The following EXOC6B variants were observed in gnomAD, a reference collection of about 807,000 sequenced individuals.
The protein encoded by EXOC6B is SEC15 homolog B.
A neutral mutation model predicts 113.5 loss-of-function variants in EXOC6B; 54 were observed. That is an observed-to-expected ratio of 0.48 (90% CI 0.38 to 0.60). EXOC6B has a LOEUF of 0.60. EXOC6B is among the 20% of genes least tolerant of loss of function. EXOC6B has a pLI of 0.00. For synonymous variants in EXOC6B, 357 were observed against 339.0 expected, an observed-to-expected ratio of 1.05 and a Z score of -0.58; for missense variants, 797 against 977.5, an observed-to-expected ratio of 0.82 and a Z score of 2.46.
chr2:72,464,980 C>A, intron 18 of EXOC6B, 180 bp downstream of exon 18: 1 of 595,734 alleles, frequency 1.7e-6, no homozygotes, highest in South Asian at 2.3e-5. Context: ...ATGCAAAGGT[C>A]AATGAAAAAA....
rs560948378 is a variant in EXOC6B at position 72,823,475 on chromosome 2, A to C, written c.113+2323T>G. 8.4e-4 allele frequency among the ~76,000 whole-genome samples: 95 copies of C among 112,472 alleles called. 5 individuals are homozygous for C. Among genetic ancestry groups the C allele is most frequent in the Admixed American group, 3.9e-3 (40 of 10,176 alleles). 73.8% of individuals were successfully genotyped at this position (112,472 alleles called of 152,430 possible). On this transcript the variant is annotated intron_variant, in intron 1 of 21. Transcript: ENST00000272427. ...AAGTTTTAAGAAAAAAAAAAAAAAA[A>C]AAACAAAAAACAAAAAAAAAGACAG... is the stretch of plus-strand genomic sequence containing the variant.
intron 20 of EXOC6B, among the ~76,000 whole-genome samples, chr2:72,229,865 G>C (rs1322292090): frequency 6.6e-6 from 1 of 152,108 alleles, no homozygotes; most frequent in African/African-American, 2.4e-5. Flanking sequence ...GGAAGCTTTG[G>C]CCATTTTTGT....
At chr2:72,396,748 C>T (rs1281491345) in intron 18 of EXOC6B, among the ~76,000 whole-genome samples, 2 of 151,966 alleles carry the variant, frequency 1.3e-5, no homozygotes, top group Admixed American at 6.6e-5. Context: ...TGCTACTCAG[C>T]CTCTTTCCTA....
At chr2:72,636,436 G>T (rs1463109334) in intron 6 of EXOC6B, among the ~76,000 whole-genome samples, 1 of 150,330 alleles carries the variant, frequency 6.7e-6, no homozygotes, top group Non-Finnish European at 1.5e-5. Flanking sequence ...AGAGGAGGGA[G>T]GAGGAAGAAG....
chr2:72,766,504 G>GA (rs1462468357), intron 1 of EXOC6B, among the ~76,000 whole-genome samples: 1 of 152,018 alleles, frequency 6.6e-6, no homozygotes, highest in East Asian at 1.9e-4. Context: ...AATACCACAA[G>GA]AAAAAAGGAA....
intron 18 of EXOC6B, among the ~76,000 whole-genome samples, chr2:72,424,590 T>C (rs1695096039): frequency 6.6e-6 from 1 of 152,162 alleles, no homozygotes; most frequent in Non-Finnish European, 1.5e-5. Flanking sequence ...GCTTTCCTTT[T>C]CTTGCTGATT....
intron 1 of EXOC6B, among the ~76,000 whole-genome samples, chr2:72,746,590 C>G (rs1681710082): frequency 6.6e-6 from 1 of 152,038 alleles, no homozygotes; most frequent in South Asian, 2.1e-4. Flanking sequence ...ATTTACCATT[C>G]ACCTGTACCA....
intron 11 of EXOC6B, among the ~76,000 whole-genome samples, chr2:72,509,185 G>C (rs960524770): frequency 4.6e-5 from 7 of 152,182 alleles, no homozygotes; most frequent in Non-Finnish European, 8.8e-5. Flanking sequence ...GTCAAGTGAG[G>C]ACAGAGTGAG....
chr2:72,523,871 G>A (rs1197919412), intron 8 of EXOC6B, among the ~76,000 whole-genome samples: 1 of 151,398 alleles, frequency 6.6e-6, no homozygotes, highest in Non-Finnish European at 1.5e-5. Flanking sequence ...GTAGACATTG[G>A]TATGGGGTCT....
At chr2:72,716,259 T>G (rs766878220) in intron 6 of EXOC6B, among the ~76,000 whole-genome samples, 2 of 152,186 alleles carry the variant, frequency 1.3e-5, no homozygotes, top group Non-Finnish European at 2.9e-5. Context: ...TTCTAAGTAC[T>G]TAAATCACCA....
chr2:72,790,586 C>T (rs916312749), intron 1 of EXOC6B, among the ~76,000 whole-genome samples: 9 of 152,134 alleles, frequency 5.9e-5, no homozygotes, highest in South Asian at 2.1e-4. Context: ...TTATTCATTT[C>T]GCCTTTCTTA....
At chr2:72,759,042 C>A (rs957443051) in intron 1 of EXOC6B, among the ~76,000 whole-genome samples, 7 of 152,170 alleles carry the variant, frequency 4.6e-5, no homozygotes, top group African/African-American at 1.7e-4. Context: ...GCACAGTGGG[C>A]AAGAACACAG....
At chr2:72,631,375 T>C (rs1277140704) in intron 6 of EXOC6B, among the ~76,000 whole-genome samples, 2 of 149,344 alleles carry the variant, frequency 1.3e-5, no homozygotes, top group Non-Finnish European at 3.0e-5. Context: ...ATCCTACATA[T>C]ATATATGGAG....
At chr2:72,495,862 C>T (rs1700006177) in intron 14 of EXOC6B, among the ~76,000 whole-genome samples, 1 of 152,100 alleles carries the variant, frequency 6.6e-6, no homozygotes, top group Admixed American at 6.6e-5. Flanking sequence ...AGAAGTAAGT[C>T]TCAAGAAGTT....
At chr2:72,620,014 C>G (rs1048940507) in intron 6 of EXOC6B, among the ~76,000 whole-genome samples, 1 of 152,194 alleles carries the variant, frequency 6.6e-6, no homozygotes, top group Non-Finnish European at 1.5e-5. Context: ...ACGGCTTCCC[C>G]GCAGGACTGG....
chr2:72,320,481 T>A (rs953002391), intron 20 of EXOC6B, among the ~76,000 whole-genome samples: 1 of 152,102 alleles, frequency 6.6e-6, no homozygotes, highest in South Asian at 2.1e-4. Flanking sequence ...GGAGAAAGCA[T>A]AGTCTTTTTA....
intron 6 of EXOC6B, among the ~76,000 whole-genome samples, chr2:72,658,957 T>C (rs2104439848): frequency 6.6e-6 from 1 of 152,238 alleles, no homozygotes; most frequent in South Asian, 2.1e-4. Flanking sequence ...GTACATTTCT[T>C]AAATCAGTTT....
intron 3 of EXOC6B, among the ~76,000 whole-genome samples, chr2:72,732,799 G>A (rs1680722546): frequency 6.6e-6 from 1 of 152,130 alleles, no homozygotes; most frequent in Non-Finnish European, 1.5e-5. Context: ...GGTGAATATT[G>A]AGGAAATAAC....
intron 1 of EXOC6B, among the ~76,000 whole-genome samples, chr2:72,818,310 A>G (rs1409285544): frequency 7.0e-6 from 1 of 142,190 alleles, no homozygotes; most frequent in Non-Finnish European, 1.5e-5. Flanking sequence ...AGGCCCAGCT[A>G]ATTTTTTTTT....
Sources: allele counts gnomAD v4.1 joint callset (sites outside exome capture counted in the v4.1 genomes callset), GRCh38; gene constraint gnomAD v4.1.1; transcripts MANE v1.5; gene names NCBI Gene and HGNC (gene_info 2026-07-23, HGNC 2026-07-21).